The following EPB41 variants were observed in gnomAD, a reference collection of about 807,000 sequenced individuals.
EPB41 encodes the protein erythrocyte membrane protein band 4.1, also known as protein 4.1.
Under a neutral mutation model 108.0 loss-of-function variants are expected in EPB41, and 65 were observed. The ratio of observed to expected loss-of-function variants is 0.60; its 90% CI spans 0.49 to 0.74. The LOEUF is 0.74. EPB41 is among the 30% of genes least tolerant of loss of function. The probability of loss-of-function intolerance (pLI) is 0.00; values close to 1 mark genes in which losing one functional copy is unlikely to be tolerated. For synonymous variants in EPB41, 336 were observed against 358.9 expected (o/e 0.94, Z 0.72); for missense variants, 875 against 1,037.0 (o/e 0.84, Z 2.15).
At chr1:29,054,574 G>A (rs1181621125) in intron 12 of EPB41, 1 of 151,364 alleles carries the variant, frequency 6.6e-6, no homozygotes, top group Non-Finnish European at 1.5e-5. Context: ...GTTAGGCCAG[G>A]TGTGGAGGCT....
chr1:29,016,132 G>A (rs926959448), intron 6 of EPB41, among the ~76,000 whole-genome samples: 1 of 152,048 alleles, frequency 6.6e-6, no homozygotes, highest in Non-Finnish European at 1.5e-5. Flanking sequence ...GTTTTTTGGG[G>A]TCTCTTTTCA....
intron 1 of EPB41, among the ~76,000 whole-genome samples, chr1:28,926,367 C>T (rs943550272): frequency 2.0e-5 from 3 of 151,988 alleles, no homozygotes; most frequent in Non-Finnish European, 2.9e-5. Flanking sequence ...TAAATGTTAC[C>T]CATTATTATT....
At chr1:28,973,527 C>G (rs962239604) in intron 1 of EPB41, among the ~76,000 whole-genome samples, 9 of 152,056 alleles carry the variant, frequency 5.9e-5, no homozygotes, top group Non-Finnish European at 1.2e-4. Flanking sequence ...ATAGCTATGA[C>G]TACAGGCATG....
At chr1:29,093,128 A>C (rs966739089) in intron 16 of EPB41, among the ~76,000 whole-genome samples, 1 of 152,222 alleles carries the variant, frequency 6.6e-6, no homozygotes. Flanking sequence ...GAATCACCAC[A>C]CTGCTTTCCA....
At chr1:29,044,629 G>A (rs1490395365) in intron 11 of EPB41, among the ~76,000 whole-genome samples, 1 of 152,112 alleles carries the variant, frequency 6.6e-6, no homozygotes, top group African/African-American at 2.4e-5. Flanking sequence ...ATCATTTGAG[G>A]TCAGGAGTTC....
intron 1 of EPB41, among the ~76,000 whole-genome samples, chr1:28,964,084 A>G (rs2095296584): frequency 6.6e-6 from 1 of 152,126 alleles, no homozygotes; most frequent in African/African-American, 2.4e-5. Flanking sequence ...TATTTCCTGT[A>G]TCCGTTCTCT....
At chr1:28,902,109 C>G in intron 1 of EPB41, 1 of 933,182 alleles carries the variant, frequency 1.1e-6, no homozygotes. Context: ...GAAGCCTGTT[C>G]TCTCTGGATC....
At chr1:29,063,356 CT>C in intron 15 of EPB41, among the ~76,000 whole-genome samples, 1 of 152,286 alleles carries the variant, frequency 6.6e-6, no homozygotes, top group African/African-American at 2.4e-5. Flanking sequence ...TCTGGGATAG[CT>C]ATAGGATTGC....
At position 28,887,918 on chromosome 1, in the gene EPB41, G is replaced by A. The variant is rs1022877496; in HGVS notation, c.-8+708G>A. On this transcript the variant is annotated intron_variant, in intron 1 of 16. Transcript: ENST00000347529. The surrounding 1 kb of genome is among the most constrained non-coding windows in gnomAD (Gnocchi z 4.9). ...GGGTTCCCTGTATCTCTCATCTGTC[G>A]TCTCTGTTTTGCTGTCTTTTCCTGT... Among the ~76,000 whole-genome samples the A allele has an allele frequency of 1.3e-5, 2 of 152,204 alleles. No homozygotes were observed. Among genetic ancestry groups the A allele is most frequent in the African/African-American group, 4.8e-5 (2 of 41,470 alleles).
At chr1:29,011,072 C>T (rs1381116042) in intron 4 of EPB41, among the ~76,000 whole-genome samples, 1 of 136,230 alleles carries the variant, frequency 7.3e-6, no homozygotes, top group Admixed American at 7.8e-5. Context: ...GGGCTGACAT[C>T]GAGATTGCGC....
chr1:29,091,699 C>T (rs1661245885), intron 16 of EPB41, among the ~76,000 whole-genome samples: 1 of 152,142 alleles, frequency 6.6e-6, no homozygotes. Flanking sequence ...ACATTCTTGT[C>T]AAGAATAATT....
chr1:28,987,573 G>T lies in EPB41; in HGVS notation c.136G>T (p.Asp46Tyr), dbSNP rs1250588160. The T allele has an allele frequency of 2.5e-6, 4 of 1,614,042 alleles. No homozygotes were observed. Among genetic ancestry groups the T allele is most frequent in the Non-Finnish European group, 3.4e-6 (4 of 1,180,042 alleles). ...ATCTTGTCAAACAGCAGCTGAAGGA[G>T]ATAATTGGTGTGAACAGAAGCTGAA... ...EESCQTAAEG[D>Y]NWCEQKLKAS... is the part of the protein sequence containing the mutation. Residue 46 changes from aspartate to tyrosine, a missense_variant, in exon 2 of 21, where the codon GAT becomes TAT. By Grantham distance (160) the Asp-to-Tyr change is radical. Transcript: ENST00000343067.
intron 2 of EPB41, among the ~76,000 whole-genome samples, chr1:28,992,302 C>T (rs961788506): frequency 3.3e-5 from 5 of 152,094 alleles, no homozygotes; most frequent in Admixed American, 3.3e-4. Context: ...CCAGCTGTTA[C>T]ACAAGGAAGT....
At position 28,887,671 on chromosome 1, in the gene EPB41, G is replaced by C; in HGVS notation, c.-8+461G>C. The C allele has an allele frequency of 1.0e-6, 1 of 985,108 alleles. No homozygotes were observed. Among genetic ancestry groups the C allele is most frequent in the Non-Finnish European group, 1.2e-6 (1 of 829,768 alleles). 61.0% of individuals were successfully genotyped at this position (985,108 alleles called of 1,614,324 possible). On this transcript the variant is annotated intron_variant, in intron 1 of 16. Coordinates refer to the EPB41 transcript ENST00000347529. The surrounding 1 kb of genome is among the most constrained non-coding windows in gnomAD (Gnocchi z 4.9). ...CAGCGGGAGGGGGCTCCGGGGCCTG[G>C]AGCCCCGCGCCCCGCTCCGGCCCTT...
intron 4 of EPB41, among the ~76,000 whole-genome samples, chr1:29,000,124 G>T (rs2096266773): frequency 6.6e-6 from 1 of 151,792 alleles, no homozygotes; most frequent in South Asian, 2.1e-4. Context: ...TTGAGATGGA[G>T]CTTCACTCTT....
intron 12 of EPB41, among the ~76,000 whole-genome samples, chr1:29,058,048 A>G (rs1211966471): frequency 6.6e-6 from 1 of 152,180 alleles, no homozygotes; most frequent in Non-Finnish European, 1.5e-5. Context: ...CTTTAAGTAT[A>G]TTGTTCAACT....
chr1:28,932,319 C>G (rs573393647), intron 1 of EPB41, among the ~76,000 whole-genome samples: 1 of 152,020 alleles, frequency 6.6e-6, no homozygotes, highest in Non-Finnish European at 1.5e-5. Flanking sequence ...GATGGAGTTT[C>G]GCCATGTTGG....
At position 29,039,438 on chromosome 1, in the gene EPB41, A is replaced by T; in HGVS notation, c.1636+12A>T. 1 of 1,613,446 alleles carries T rather than the reference A, an allele frequency of 6.2e-7. No homozygotes were observed. Among genetic ancestry groups the T allele is most frequent in the Non-Finnish European group, 8.5e-7 (1 of 1,179,782 alleles). ...GAGCCTCGATGGAGGTTTGTATTGA[A>T]TATTAATGATTTCTTGTGATCATAA... is the stretch of plus-strand genomic sequence containing the variant. On this transcript the variant is annotated intron_variant, in intron 11 of 20. Coordinates refer to ENST00000343067, the MANE Select transcript of EPB41 (RefSeq NM_001376013.1).
intron 1 of EPB41, among the ~76,000 whole-genome samples, chr1:28,948,384 T>C (rs951902115): frequency 1.3e-5 from 2 of 151,382 alleles, no homozygotes; most frequent in Non-Finnish European, 2.9e-5. Flanking sequence ...TGGCGGGCCC[T>C]TGTAGTCCCA....
Sources: allele counts gnomAD v4.1 joint callset (sites outside exome capture counted in the v4.1 genomes callset), GRCh38; gene constraint gnomAD v4.1.1; non-coding constraint Gnocchi (gnomAD v3.1); transcripts MANE v1.5; gene names NCBI Gene and HGNC (gene_info 2026-07-23, HGNC 2026-07-21).